Variants in COMT observed in about 807,000 individuals in gnomAD.
The protein encoded by COMT is catechol-O-methyltransferase.
A neutral mutation model predicts 18.9 loss-of-function variants in COMT; 13 were observed. The ratio of observed to expected loss-of-function variants is 0.69; its 90% CI spans 0.45 to 1.09. The LOEUF is 1.09. Ranked by LOEUF, COMT falls within the 50% of genes least tolerant of loss-of-function variation. The probability of loss-of-function intolerance (pLI) is 0.00; values close to 1 mark genes in which losing one functional copy is unlikely to be tolerated. For synonymous variants in COMT, 150 were observed against 160.9 expected, an observed-to-expected ratio of 0.93 and a Z score of 0.51; for missense variants, 329 against 361.8, an observed-to-expected ratio of 0.91 and a Z score of 0.73.
rs1260297733 is a variant in COMT, at chr22:19,957,618, C to T, written c.-91-3581C>T. On this transcript the variant is annotated intron_variant, in intron 1 of 5. Transcript: ENST00000361682. ...AGGTGTCAAGCCCAGCTGCCTGTGT[C>T]CTGGCCGCACTGTGAGGCACTGAGG... Among the ~76,000 whole-genome samples the T allele has an allele frequency of 3.9e-5, 6 of 152,356 alleles. No homozygotes were observed. The East Asian group carries it at 1.2e-3, about 29-fold the overall frequency.
intron 1 of COMT, among the ~76,000 whole-genome samples, chr22:19,950,180 A>T (rs11089323): frequency 6.6e-6 from 1 of 150,916 alleles, no homozygotes; most frequent in Admixed American, 6.6e-5. Flanking sequence ...AGTTTATATA[A>T]GAGCTAGTTC....
chr22:19,967,870 A>G (rs551201247), intron 5 of COMT, among the ~76,000 whole-genome samples: 1 of 152,352 alleles, frequency 6.6e-6, no homozygotes, highest in African/African-American at 2.4e-5. Flanking sequence ...CAAGCATCCT[A>G]TGAGGTTTCT....
rs1404781926 is a variant in COMT, at chr22:19,964,231, G to C, written c.547G>C (p.Asp183His). The C allele has an allele frequency of 6.2e-7, 1 of 1,614,020 alleles. No homozygotes were observed. The highest frequency in any genetic ancestry group is 1.3e-5 in the African/African-American group (1 of 74,930). Residue 183 changes from aspartate to histidine, a missense_variant, in exon 5 of 6, where the codon GAC (aspartate) becomes CAC (histidine). Asp to His is a moderately conservative substitution (Grantham distance 81, BLOSUM62 -1). Coordinates refer to ENST00000361682, the MANE Select transcript of COMT (RefSeq NM_000754.4). ...IPQLKKKYDV[D>H]TLDMVFLDHW... Reference sequence around the variant, plus strand: ...CCAGCTGAAGAAGAAGTATGATGTGGACACACTGGACATGGTCTTCCTCGA... The same window carrying C: ...CCAGCTGAAGAAGAAGTATGATGTGCACACACTGGACATGGTCTTCCTCGA...
intron 5 of COMT, among the ~76,000 whole-genome samples, chr22:19,966,286 G>A (rs1183945634): frequency 6.6e-6 from 1 of 152,084 alleles, no homozygotes; most frequent in Non-Finnish European, 1.5e-5. Context: ...CCCTCAGTGG[G>A]TTCTGTGAGC....
intron 1 of COMT, among the ~76,000 whole-genome samples, chr22:19,948,823 C>T (rs1382707821): frequency 6.6e-6 from 1 of 151,772 alleles, no homozygotes; most frequent in Non-Finnish European, 1.5e-5. Context: ...GGCGTGGTGC[C>T]ATGTGCCTGT....
chr22:19,956,780 TGC>T (rs1942073988), intron 1 of COMT, among the ~76,000 whole-genome samples: 2 of 151,940 alleles, frequency 1.3e-5, no homozygotes, highest in East Asian at 3.9e-4. Flanking sequence ...CTTACTATGT[TGC>T]CCAGAGTGGT....
intron 3 of COMT, 69 bp from the exon 4 acceptor site, chr22:19,963,497 G>A (rs996746615): frequency 3.2e-5 from 50 of 1,563,174 alleles, no homozygotes; most frequent in East Asian, 2.7e-4. Context: ...GTGGGGGGCC[G>A]TGCCTGGGGA....
At chr22:19,960,610 A>C (rs1206961600) in intron 1 of COMT, among the ~76,000 whole-genome samples, 1 of 152,160 alleles carries the variant, frequency 6.6e-6, no homozygotes, top group Admixed American at 6.5e-5. Context: ...GACCCTTCCC[A>C]AGGGTAGCAG....
chr22:19,959,514 G>A (rs1942142473), intron 1 of COMT, among the ~76,000 whole-genome samples: 1 of 152,248 alleles, frequency 6.6e-6, no homozygotes, highest in African/African-American at 2.4e-5. Flanking sequence ...CGAGCAGAGA[G>A]GAGGGTGGGC....
Position 19,968,753 on chromosome 22 carries a change from C to G in COMT, c.*17C>G, listed in dbSNP as rs368314788. ...GGGCCCTGACTGCCCCCCCGGCCCC[C>G]CTCTCGGGCTCTCTCACCCAGCCTG... On this transcript the variant is annotated 3_prime_UTR_variant, in exon 6 of 6. Coordinates refer to ENST00000361682, the MANE Select transcript of COMT (RefSeq NM_000754.4). 1,460 of 1,604,432 alleles carry G rather than the reference C, an allele frequency of 9.1e-4. No individual in the cohort carries two copies. The highest frequency in any genetic ancestry group is 4.2e-3 in the Middle Eastern group (22 of 5,204).
chr22:19,962,481 CAGG>C (rs1238446657), intron 2 of COMT, 43 bp from the exon 3 acceptor site: 1 of 1,551,450 alleles, frequency 6.4e-7, no homozygotes, highest in African/African-American at 1.4e-5. Context: ...GTGGGTGCTG[CAGG>C]AGGAGCACAG....
At chr22:19,947,039 C>T (rs1053574583) in intron 1 of COMT, among the ~76,000 whole-genome samples, 1 of 151,578 alleles carries the variant, frequency 6.6e-6, no homozygotes, top group Non-Finnish European at 1.5e-5. Flanking sequence ...CCTCAGCCCC[C>T]CAAGTAGCTG....
intron 1 of COMT, among the ~76,000 whole-genome samples, chr22:19,960,417 G>C (rs1250511019): frequency 6.6e-6 from 1 of 152,184 alleles, no homozygotes; most frequent in Non-Finnish European, 1.5e-5. Context: ...GGAAAGTTCT[G>C]GCTGCTTCAG....
At position 19,968,806 on chromosome 22, in the gene COMT, C is replaced by T. The variant is rs1569139015; in HGVS notation, c.*70C>T. On this transcript the variant is annotated 3_prime_UTR_variant, in exon 6 of 6. Coordinates refer to ENST00000361682, the MANE Select transcript of COMT (RefSeq NM_000754.4). The stretch of plus-strand genomic sequence containing the variant: ...ACTGAAGGTGCCAGACGTGCTCCTG[C>T]TGACCTTCTGCGGCTCCGGGCTGTG... 2 of 1,463,604 alleles carry T rather than the reference C, an allele frequency of 1.4e-6. No individual in the cohort carries two copies. The highest frequency in any genetic ancestry group is 1.9e-6 in the Non-Finnish European group (2 of 1,068,326). The allele number at this position is 1,463,604 out of a possible 1,614,324, so 90.7% of individuals were successfully genotyped here.
At position 19,962,514 on chromosome 22, in the gene COMT, T is replaced by G; in HGVS notation, c.1-13T>G. ...GCACAGAGCACTGGCGCCCCTCCCCTCCCGCCCTGCAGATGCCGGAGGCCC... is the reference window on the plus strand; with the variant it reads ...GCACAGAGCACTGGCGCCCCTCCCCGCCCGCCCTGCAGATGCCGGAGGCCC... On this transcript the variant is annotated splice_polypyrimidine_tract_variant and intron_variant, in intron 2 of 5. Coordinates refer to ENST00000361682, the MANE Select transcript of COMT (RefSeq NM_000754.4). 17 of 941,582 alleles carry G rather than the reference T, an allele frequency of 1.8e-5. No homozygotes were observed. Among genetic ancestry groups the G allele is most frequent in the East Asian group, 3.7e-5 (1 of 26,770 alleles). 58.3% of individuals were successfully genotyped at this position (941,582 alleles called of 1,614,324 possible).
intron 1 of COMT, among the ~76,000 whole-genome samples, chr22:19,944,634 C>A (rs1941806857): frequency 6.6e-6 from 1 of 152,240 alleles, no homozygotes; most frequent in South Asian, 2.1e-4. Context: ...ACCATCCTGG[C>A]TAACACGGTG....
chr22:19,963,769 C>G lies in COMT; in HGVS notation c.483+10C>G. 1 of 1,608,598 alleles carries G rather than the reference C, an allele frequency of 6.2e-7. No individual in the cohort carries two copies. The highest frequency in any genetic ancestry group is 1.3e-5 in the African/African-American group (1 of 74,986). ...TGGCGTGAAGGACAAGGTGTGCATG[C>G]CTGACCCGTTGTCAGACCTGGAAAA... On this transcript the variant is annotated intron_variant, in intron 4 of 5. Coordinates refer to ENST00000361682, the MANE Select transcript of COMT (RefSeq NM_000754.4).
chr22:19,963,286 A>G, intron 3 of COMT: 2 of 580,724 alleles, frequency 3.4e-6, no homozygotes, highest in South Asian at 4.0e-5. Context: ...GGGGCCAGCC[A>G]GGAAGGGTGG....
intron 1 of COMT, among the ~76,000 whole-genome samples, chr22:19,956,370 CTTTTTTTTTTTTT>C (rs361698): frequency 2.1e-5 from 1 of 47,348 alleles, no homozygotes; most frequent in African/African-American, 9.4e-5. Flanking sequence ...CTTGAGCTCT[CTTTTTTTTTTTTT>C]TTTTTTTTTT....
Sources: allele counts gnomAD v4.1 joint callset (sites outside exome capture counted in the v4.1 genomes callset), GRCh38; gene constraint gnomAD v4.1.1; transcripts MANE v1.5; gene names NCBI Gene and HGNC (gene_info 2026-07-23, HGNC 2026-07-21).